SH3BP4: variants seen among roughly 807,000 people sequenced by gnomAD.
The protein encoded by SH3BP4 is SH3 domain binding protein 4, also known as SH3 domain-binding protein 4.
In SH3BP4, 33 loss-of-function variants were observed where a neutral mutation model predicts 65.5. The ratio of observed to expected loss-of-function variants is 0.50; its 90% CI spans 0.38 to 0.67. SH3BP4 has a LOEUF of 0.67. Among genes scored for constraint, SH3BP4 ranks in the 30% least tolerant of loss-of-function variants. The pLI is 0.00. For missense variants in SH3BP4, 1,134 were observed against 1,261.4 expected, an observed-to-expected ratio of 0.90 and a Z score of 1.53; for synonymous variants, 552 against 545.5, an observed-to-expected ratio of 1.01 and a Z score of -0.17.
intron 4 of SH3BP4, among the ~76,000 whole-genome samples, chr2:235,050,147 G>A (rs1003617652): frequency 2.0e-5 from 3 of 151,444 alleles, no homozygotes; most frequent in African/African-American, 4.9e-5. Context: ...ACGGAGTCTC[G>A]CTCTGTCCCC....
chr2:235,029,734 C>T (rs1382134993), intron 2 of SH3BP4, among the ~76,000 whole-genome samples: 1 of 152,230 alleles, frequency 6.6e-6, no homozygotes, highest in Non-Finnish European at 1.5e-5. Context: ...GTGCCTTTTA[C>T]TCCTTTTCTA....
chr2:235,028,256 G>A (rs1574832562), intron 2 of SH3BP4, among the ~76,000 whole-genome samples: 1 of 152,232 alleles, frequency 6.6e-6, no homozygotes, highest in East Asian at 1.9e-4. Context: ...GAGATCCAGT[G>A]GTGGCTGTCC....
At chr2:234,970,497 G>T (rs556626205) in intron 1 of SH3BP4, among the ~76,000 whole-genome samples, 1 of 152,218 alleles carries the variant, frequency 6.6e-6, no homozygotes, top group East Asian at 1.9e-4. Flanking sequence ...TACGTGTCTT[G>T]AGTGGTATCA....
Position 234,967,593 on chromosome 2 carries a change from A to G in SH3BP4, c.-207+15423A>G, listed in dbSNP as rs1692873972. Among the ~76,000 whole-genome samples the G allele has an allele frequency of 2.0e-5, 3 of 152,142 alleles. No homozygotes were observed. The South Asian group carries it at 6.2e-4, about 32-fold the overall frequency. On this transcript the variant is annotated intron_variant, in intron 1 of 5. Transcript: ENST00000392011. This position sits in a 1 kb window ranked among gnomAD's most constrained non-coding sequence, Gnocchi z 4.6. ...TGGTATTGGAGCTGCGCTCATTGCAATAAGGAATTATTCTCATGGCTCCAT... is the reference window on the plus strand; with the variant it reads ...TGGTATTGGAGCTGCGCTCATTGCAGTAAGGAATTATTCTCATGGCTCCAT...
At chr2:235,031,731 G>A (rs1695208693) in intron 2 of SH3BP4, among the ~76,000 whole-genome samples, 1 of 152,212 alleles carries the variant, frequency 6.6e-6, no homozygotes, top group Non-Finnish European at 1.5e-5. Context: ...AACACTCACT[G>A]GCATCTCACC....
At chr2:235,007,408 C>T (rs529748496) in intron 2 of SH3BP4, among the ~76,000 whole-genome samples, 2 of 152,278 alleles carry the variant, frequency 1.3e-5, no homozygotes, top group South Asian at 4.1e-4. Context: ...CCCAGGGACA[C>T]TTGGCAATGT....
chr2:234,995,669 C>G (rs1051986942), intron 2 of SH3BP4: 1 of 152,324 alleles, frequency 6.6e-6, no homozygotes, highest in Non-Finnish European at 1.5e-5. Flanking sequence ...ATTCCCAGAA[C>G]AGCCCCGTGT....
At chr2:235,047,043 A>C (rs997142441) in intron 4 of SH3BP4, among the ~76,000 whole-genome samples, 2 of 152,182 alleles carry the variant, frequency 1.3e-5, no homozygotes, top group East Asian at 3.9e-4. Context: ...AGGTTTGTTC[A>C]TTTGGAAAGG....
intron 1 of SH3BP4, among the ~76,000 whole-genome samples, chr2:234,985,383 G>A (rs1693515478): frequency 6.6e-6 from 1 of 152,162 alleles, no homozygotes; most frequent in South Asian, 2.1e-4. Context: ...AGTCAAAAGT[G>A]TGCGTGAATG....
intron 1 of SH3BP4, among the ~76,000 whole-genome samples, chr2:234,985,407 TG>T (rs1468786918): frequency 2.6e-5 from 4 of 152,104 alleles, no homozygotes; most frequent in Non-Finnish European, 5.9e-5. Context: ...GGGAATGAAG[TG>T]GGAAAACGCA....
At position 235,045,332 on chromosome 2, in the gene SH3BP4, T is replaced by C. The variant is rs1695818853; in HGVS notation, c.2478+2085T>C. Among the ~76,000 whole-genome samples the C allele has an allele frequency of 6.6e-6, 1 of 152,152 alleles. No individual in the cohort carries two copies. The highest frequency in any genetic ancestry group is 1.5e-5 in the Non-Finnish European group (1 of 68,028). On this transcript the variant is annotated intron_variant, in intron 4 of 5. Transcript: ENST00000392011. The surrounding 1 kb of genome is among the most constrained non-coding windows in gnomAD (Gnocchi z 4.3). ...GGAGTACCACACCAGCTGTGGAAAA[T>C]AACCGCCGAGTAGGTGGCTTTTACA...
intron 3 of SH3BP4, among the ~76,000 whole-genome samples, chr2:235,039,572 G>A (rs536723780): frequency 2.6e-5 from 4 of 151,990 alleles, no homozygotes; most frequent in South Asian, 2.1e-4. Context: ...AGCAGACTCC[G>A]TAAGTGAGGC....
At chr2:234,971,497 G>C (rs1318293421) in intron 1 of SH3BP4, among the ~76,000 whole-genome samples, 2 of 152,196 alleles carry the variant, frequency 1.3e-5, no homozygotes, top group Admixed American at 6.5e-5. Flanking sequence ...GCTCTTTTGG[G>C]TATATTCCCA....
intron 2 of SH3BP4, among the ~76,000 whole-genome samples, chr2:235,000,415 C>A (rs556669929): frequency 6.6e-6 from 1 of 152,312 alleles, no homozygotes; most frequent in East Asian, 1.9e-4. Context: ...AGGTTGCTCT[C>A]CTGATCTGGG....
At chr2:235,003,112 C>T (rs1040604333) in intron 2 of SH3BP4, among the ~76,000 whole-genome samples, 7 of 152,276 alleles carry the variant, frequency 4.6e-5, no homozygotes, top group African/African-American at 1.7e-4. Context: ...AGAAAATCTT[C>T]AAGCTATCAC....
At chr2:234,953,806 A>T (rs1692530038) in intron 1 of SH3BP4, among the ~76,000 whole-genome samples, 1 of 152,042 alleles carries the variant, frequency 6.6e-6, no homozygotes, top group African/African-American at 2.4e-5. Flanking sequence ...AGCCCTGAGG[A>T]CAATATTCCT....
intron 1 of SH3BP4, among the ~76,000 whole-genome samples, chr2:234,968,863 C>T (rs897396338): frequency 6.6e-6 from 1 of 152,222 alleles, no homozygotes; most frequent in Admixed American, 6.5e-5. Flanking sequence ...GCCTCCCTTT[C>T]TAGGTCATTT....
chr2:234,961,004 A>C (rs771088239), intron 1 of SH3BP4, among the ~76,000 whole-genome samples: 12 of 152,092 alleles, frequency 7.9e-5, no homozygotes, highest in Non-Finnish European at 1.5e-4. Flanking sequence ...CTTTGTTGGG[A>C]CCTGGTTCAT....
chr2:235,005,948 G>T (rs974654958), intron 2 of SH3BP4, among the ~76,000 whole-genome samples: 4 of 152,232 alleles, frequency 2.6e-5, no homozygotes, highest in African/African-American at 9.6e-5. Flanking sequence ...TTGCGTGCCC[G>T]CCTGTGTTCC....
Sources: allele counts gnomAD v4.1 joint callset (sites outside exome capture counted in the v4.1 genomes callset), GRCh38; gene constraint gnomAD v4.1.1; non-coding constraint Gnocchi (gnomAD v3.1); transcripts MANE v1.5; gene names NCBI Gene and HGNC (gene_info 2026-07-23, HGNC 2026-07-21).